Variants in MAPKAP1 observed in about 807,000 individuals in gnomAD.
The protein encoded by MAPKAP1 is MAPK associated protein 1.
MAPKAP1 carries 20 observed loss-of-function variants against 65.7 expected under a neutral mutation model. The ratio of observed to expected loss-of-function variants is 0.30; its 90% CI spans 0.21 to 0.44. MAPKAP1 has a LOEUF of 0.44. Among genes scored for constraint, MAPKAP1 ranks in the 20% least tolerant of loss-of-function variants. MAPKAP1 has a pLI of 1.00. For synonymous variants in MAPKAP1, 222 were observed against 244.3 expected (o/e 0.91, Z 0.85); for missense variants, 423 against 648.0 (o/e 0.65, Z 3.77).
intron 7 of MAPKAP1, among the ~76,000 whole-genome samples, chr9:125,519,475 A>G (rs138823413): frequency 1.4e-3 from 212 of 151,896 alleles, no homozygotes; most frequent in Middle Eastern, 3.4e-3. Flanking sequence ...CTCTACAGAA[A>G]ATAAAAATTA....
At chr9:125,642,441 A>G (rs542231114) in intron 4 of MAPKAP1, among the ~76,000 whole-genome samples, 16 of 152,190 alleles carry the variant, frequency 1.1e-4, no homozygotes, top group Non-Finnish European at 2.1e-4. Context: ...AGTATGGACA[A>G]AGCTGACTAA....
intron 5 of MAPKAP1, among the ~76,000 whole-genome samples, chr9:125,561,352 T>C (rs936450984): frequency 6.6e-6 from 1 of 152,222 alleles, no homozygotes; most frequent in African/African-American, 2.4e-5. Context: ...GACTAAGAGA[T>C]ATTTATTATA....
intron 7 of MAPKAP1, among the ~76,000 whole-genome samples, chr9:125,514,267 CCA>C (rs1829396003): frequency 6.6e-6 from 1 of 152,152 alleles, no homozygotes; most frequent in Non-Finnish European, 1.5e-5. Flanking sequence ...CTCTGTGCTC[CCA>C]CACAGCGCCT....
At chr9:125,468,489 G>C (rs1391878226) in intron 9 of MAPKAP1, among the ~76,000 whole-genome samples, 1 of 152,220 alleles carries the variant, frequency 6.6e-6, no homozygotes, top group African/African-American at 2.4e-5. Context: ...GTTTTGATTG[G>C]TGCTCTGAGT....
intron 4 of MAPKAP1, chr9:125,652,173 G>A: frequency 7.6e-7 from 1 of 1,319,012 alleles, no homozygotes; most frequent in South Asian, 1.2e-5. Context: ...AAAGTTTTAA[G>A]TGACTTTCTT....
intron 8 of MAPKAP1, among the ~76,000 whole-genome samples, chr9:125,491,308 G>T (rs1187750963): frequency 6.6e-6 from 1 of 151,980 alleles, no homozygotes; most frequent in Non-Finnish European, 1.5e-5. Flanking sequence ...GCTGGGTTTG[G>T]TGGCTCATGC....
chr9:125,475,044 C>T (rs1804655556), intron 9 of MAPKAP1, among the ~76,000 whole-genome samples: 1 of 152,194 alleles, frequency 6.6e-6, no homozygotes, highest in African/African-American at 2.4e-5. Context: ...TGAATTTACA[C>T]ACAAGATCAG....
intron 5 of MAPKAP1, among the ~76,000 whole-genome samples, chr9:125,566,044 C>T (rs1449362138): frequency 6.6e-6 from 1 of 152,108 alleles, no homozygotes; most frequent in East Asian, 1.9e-4. Context: ...GAATAAAATT[C>T]TATATACAGT....
At chr9:125,572,581 C>T (rs1455958345) in intron 5 of MAPKAP1, among the ~76,000 whole-genome samples, 1 of 152,174 alleles carries the variant, frequency 6.6e-6, no homozygotes, top group Non-Finnish European at 1.5e-5. Context: ...GCAATTTAGG[C>T]TAACCCTGCT....
chr9:125,596,738 C>T (rs1832137606), intron 4 of MAPKAP1: 1 of 503,628 alleles, frequency 2.0e-6, no homozygotes, highest in Non-Finnish European at 3.9e-6. Flanking sequence ...GTGGCAAGGC[C>T]TAGCTGCTAC....
chr9:125,541,999 C>T (rs1398728582), intron 7 of MAPKAP1, among the ~76,000 whole-genome samples: 1 of 152,218 alleles, frequency 6.6e-6, no homozygotes, highest in Non-Finnish European at 1.5e-5. Context: ...TCCTGGCAAG[C>T]ATCCAAATTG....
At chr9:125,526,402 C>T (rs1206043767) in intron 7 of MAPKAP1, among the ~76,000 whole-genome samples, 1 of 152,224 alleles carries the variant, frequency 6.6e-6, no homozygotes, top group East Asian at 1.9e-4. Context: ...AGATATTAGT[C>T]ATCCTTCCAA....
chr9:125,554,808 A>G (rs2133200831), intron 6 of MAPKAP1, among the ~76,000 whole-genome samples: 1 of 151,962 alleles, frequency 6.6e-6, no homozygotes, highest in African/African-American at 2.4e-5. Flanking sequence ...AAAAAAAAAA[A>G]AAAAAAAAAG....
chr9:125,507,237 A>G (rs183003013), intron 7 of MAPKAP1, among the ~76,000 whole-genome samples: 1 of 152,370 alleles, frequency 6.6e-6, no homozygotes, highest in East Asian at 1.9e-4. Context: ...CCAAATGACA[A>G]TCTTGTTCTT....
At chr9:125,562,717 G>A (rs1341913222) in intron 5 of MAPKAP1, among the ~76,000 whole-genome samples, 3 of 152,106 alleles carry the variant, frequency 2.0e-5, no homozygotes, top group South Asian at 2.1e-4. Context: ...TCTGCAAAGC[G>A]GCTTAGATAT....
In MAPKAP1 at chr9:125,503,880, CTTTTTTTTTT is replaced by C. The variant is rs35867576; in HGVS notation, c.1066+2420_1066+2429del. Among the ~76,000 whole-genome samples the C allele has an allele frequency of 2.4e-3, 158 of 66,248 alleles. 2 individuals carry two copies. The highest frequency in any genetic ancestry group is 4.1e-3 in the African/African-American group (52 of 12,594). 43.5% of individuals were successfully genotyped at this position (66,248 alleles called of 152,430 possible). Reference sequence around the variant, plus strand: ...TATAGGCACCCGCCACCACGCTTGGCTTTTTTTTTTTTTTTTTTTTTTTTTTTTGTATTTT... The same window carrying C: ...TATAGGCACCCGCCACCACGCTTGGCTTTTTTTTTTTTTTTTTTGTATTTT... On this transcript the variant is annotated intron_variant, in intron 8 of 11. Coordinates refer to ENST00000265960, the MANE Select transcript of MAPKAP1 (RefSeq NM_001006617.3).
At chr9:125,610,736 C>T (rs925009498) in intron 4 of MAPKAP1, among the ~76,000 whole-genome samples, 1 of 152,144 alleles carries the variant, frequency 6.6e-6, no homozygotes, top group Non-Finnish European at 1.5e-5. Context: ...ATCCCAAATT[C>T]GTATTATTTG....
chr9:125,500,821 T>G (rs1277144091), intron 8 of MAPKAP1, among the ~76,000 whole-genome samples: 1 of 152,178 alleles, frequency 6.6e-6, no homozygotes, highest in Non-Finnish European at 1.5e-5. Flanking sequence ...AATCAACATT[T>G]TGAAACAGAA....
At chr9:125,444,841 C>A (rs1333748883) in intron 10 of MAPKAP1, among the ~76,000 whole-genome samples, 1 of 152,120 alleles carries the variant, frequency 6.6e-6, no homozygotes, top group Non-Finnish European at 1.5e-5. Flanking sequence ...CAGGGGAATG[C>A]CACGTTAGGA....
Sources: gnomAD v4.1 joint callset for allele counts (sites outside exome capture counted in the v4.1 genomes callset) on GRCh38, gnomAD v4.1.1 for gene constraint, MANE v1.5 for transcripts, NCBI Gene and HGNC (gene_info 2026-07-23, HGNC 2026-07-21) for gene names.